C12orf42: variants seen among roughly 807,000 people sequenced by gnomAD.
C12orf42 encodes chromosome 12 open reading frame 42.
In C12orf42, 25 loss-of-function variants were observed where a neutral mutation model predicts 21.6. The ratio of observed to expected loss-of-function variants is 1.16; its 90% CI spans 0.84 to 1.62. The LOEUF is 1.62. C12orf42 is among the 40% of genes most tolerant of loss of function. The probability of loss-of-function intolerance (pLI) is 0.00; values close to 1 mark genes in which losing one functional copy is unlikely to be tolerated. For synonymous variants in C12orf42, 174 were observed against 175.0 expected (o/e 0.99, Z 0.05); for missense variants, 483 against 459.3 (o/e 1.05, Z -0.47).
chr12:103,360,579 T>C (rs193061179), intron 4 of C12orf42, among the ~76,000 whole-genome samples: 10 of 152,018 alleles, frequency 6.6e-5, no homozygotes, highest in African/African-American at 1.4e-4. Flanking sequence ...GATCCTAGTA[T>C]ACCAAATCTT....
chr12:103,220,723 G>T, the C12orf42 span, among the ~76,000 whole-genome samples: 2 of 152,206 alleles, frequency 1.3e-5, no homozygotes, highest in South Asian at 4.2e-4. Context: ...CTTTTCTGAA[G>T]TATCTTCCTC....
chr12:103,270,560 TTTTATTTA>T lies in C12orf42; in HGVS notation n.399-715_399-708del, dbSNP rs139951957. Reference sequence around the variant, plus strand: ...TTTTTAAGATTTGATCAATATTTTATTTTATTTATTTATTTATTTATTTTATTATTATT... The same window carrying T: ...TTTTTAAGATTTGATCAATATTTTATTTTATTTATTTATTTTATTATTATT... On this transcript the variant is annotated intron_variant and non_coding_transcript_variant, in intron 5 of 6. Transcript: ENST00000546526. Among the ~76,000 whole-genome samples, 1,726 of 148,482 alleles carry T rather than the reference TTTTATTTA, an allele frequency of 0.012. 92 individuals are homozygous for T. In the East Asian group the frequency reaches 0.19, roughly 16 times the overall value.
chr12:103,458,044 C>T (rs1208771915), intron 2 of C12orf42, among the ~76,000 whole-genome samples: 1 of 152,166 alleles, frequency 6.6e-6, no homozygotes, highest in African/African-American at 2.4e-5. Flanking sequence ...GACTGGTCAT[C>T]TTGAAACAAA....
chr12:103,549,309 A>T, the C12orf42 span, among the ~76,000 whole-genome samples: 1 of 152,148 alleles, frequency 6.6e-6, no homozygotes, highest in South Asian at 2.1e-4. Flanking sequence ...AGTTTTATTT[A>T]AAAATGTGCA....
At chr12:103,310,612 T>G (rs1463379575) in intron 4 of C12orf42, among the ~76,000 whole-genome samples, 1 of 152,222 alleles carries the variant, frequency 6.6e-6, no homozygotes, top group African/African-American at 2.4e-5. Flanking sequence ...ATTACCTCCT[T>G]TCATAGAATC....
the C12orf42 span, among the ~76,000 whole-genome samples, chr12:103,546,701 G>A: frequency 6.6e-6 from 1 of 152,150 alleles, no homozygotes; most frequent in Non-Finnish European, 1.5e-5. Flanking sequence ...TGAATGACAG[G>A]GGTTAGGACA....
chr12:103,147,080 A>G, the C12orf42 span, among the ~76,000 whole-genome samples: 1 of 152,190 alleles, frequency 6.6e-6, no homozygotes, highest in African/African-American at 2.4e-5. Context: ...AAGGCCCGTA[A>G]GTATACAAAA....
the C12orf42 span, among the ~76,000 whole-genome samples, chr12:103,202,887 C>T: frequency 1.3e-5 from 2 of 152,168 alleles, no homozygotes; most frequent in Non-Finnish European, 2.9e-5. Context: ...TAATCAGGTA[C>T]ACCTGTATAG....
the C12orf42 span, among the ~76,000 whole-genome samples, chr12:103,522,325 G>A: frequency 6.6e-6 from 1 of 152,162 alleles, no homozygotes. Context: ...GTGGAACTGT[G>A]AGTCCATTAA....
the C12orf42 span, among the ~76,000 whole-genome samples, chr12:103,056,131 A>G: frequency 4.6e-5 from 7 of 152,098 alleles, no homozygotes; most frequent in African/African-American, 1.7e-4. Context: ...TGAGAGGAGT[A>G]TGTCGAAAGT....
chr12:103,482,375 C>A (rs1331798073), intron 1 of C12orf42, among the ~76,000 whole-genome samples: 1 of 152,104 alleles, frequency 6.6e-6, no homozygotes, highest in East Asian at 1.9e-4. Context: ...TATTATTCCA[C>A]CATCTTATAG....
the C12orf42 span, among the ~76,000 whole-genome samples, chr12:103,232,438 GTC>G: frequency 6.6e-6 from 1 of 150,724 alleles, no homozygotes; most frequent in Admixed American, 6.6e-5. Flanking sequence ...GCTGGGTGCA[GTC>G]TCTCACACCT....
intron 4 of C12orf42, among the ~76,000 whole-genome samples, chr12:103,294,591 A>G (rs143394545): frequency 0.014 from 1,388 of 98,242 alleles, 10 homozygotes; most frequent in East Asian, 0.039. Flanking sequence ...AAGGAAAGAA[A>G]GAAAGAAAGA....
At chr12:103,060,536 G>A in the C12orf42 span, among the ~76,000 whole-genome samples, 2 of 152,118 alleles carry the variant, frequency 1.3e-5, no homozygotes, top group African/African-American at 4.8e-5. Context: ...TAAGCAAAAA[G>A]AACAAAGATG....
At chr12:103,497,508 C>G (rs1163785747), upstream of C12orf42, among the ~76,000 whole-genome samples, 4 of 152,212 alleles carry the variant, frequency 2.6e-5, no homozygotes, top group Non-Finnish European at 4.4e-5. Context: ...ACCCAGTGCT[C>G]TCTTAACCCC....
chr12:103,320,333 A>G (rs1367024765), intron 4 of C12orf42, among the ~76,000 whole-genome samples: 2 of 152,228 alleles, frequency 1.3e-5, no homozygotes, highest in African/African-American at 4.8e-5. Context: ...TCTCCTTCTA[A>G]TAGGCATAAT....
At chr12:103,298,776 T>G (rs2037467363), downstream of C12orf42, among the ~76,000 whole-genome samples, 1 of 152,250 alleles carries the variant, frequency 6.6e-6, no homozygotes. Flanking sequence ...TTCACAAGTC[T>G]GATTTTGGTC....
chr12:103,060,545 TG>T, the C12orf42 span, among the ~76,000 whole-genome samples: 1 of 152,146 alleles, frequency 6.6e-6, no homozygotes, highest in Non-Finnish European at 1.5e-5. Context: ...AGAACAAAGA[TG>T]GAGGCATCAT....
chr12:103,447,531 A>T (rs1167892218), intron 2 of C12orf42, among the ~76,000 whole-genome samples: 1 of 151,992 alleles, frequency 6.6e-6, no homozygotes, highest in Non-Finnish European at 1.5e-5. Flanking sequence ...ATAATCATAC[A>T]CCTAGAAAAT....
Sources: allele counts gnomAD v4.1 joint callset (sites outside exome capture counted in the v4.1 genomes callset), GRCh38; gene constraint gnomAD v4.1.1; transcripts MANE v1.5; gene names NCBI Gene and HGNC (gene_info 2026-07-23, HGNC 2026-07-21).